The following CABS1 variants were observed in gnomAD, a reference collection of about 807,000 sequenced individuals.
CABS1 encodes calcium binding protein, spermatid associated 1, also known as calcium-binding and spermatid-specific protein 1.
For missense variants in CABS1, 500 were observed against 464.3 expected, an observed-to-expected ratio of 1.08 and a Z score of -0.71; for synonymous variants, 195 against 169.0, an observed-to-expected ratio of 1.15 and a Z score of -1.19.
At chr4:70,336,412 C>A in intron 1 of CABS1, 66 bp downstream of exon 1, 5 of 776,900 alleles carry the variant, frequency 6.4e-6, no homozygotes, top group African/African-American at 1.8e-5. Context: ...TTTACGGAAA[C>A]TTAGAAAAAA....
Position 70,335,487 on chromosome 4 carries a change from G to A in CABS1, c.448G>A (p.Asp150Asn). The change falls in exon 1 of 2, where the codon GAC (aspartate) becomes AAC (asparagine). Residue 150 changes from aspartate (D) to asparagine (N), a missense_variant. Physicochemically the swap from Asp to Asn is conservative, Grantham distance 23 (BLOSUM62 1). Coordinates refer to ENST00000273936, the MANE Select transcript of CABS1 (RefSeq NM_033122.4). ...AKEDILLATI[D>N]TGDAEISITS... ...AGAAGATATCCTCTTAGCTACCATT[G>A]ACACAGGAGATGCAGAGATCTCAAT... 1 of 1,613,648 alleles carries A rather than the reference G, an allele frequency of 6.2e-7. No homozygotes were observed. The highest frequency in any genetic ancestry group is 2.2e-5 in the East Asian group (1 of 44,840).
Position 70,336,340 on chromosome 4 carries a change from A to T in CABS1, c.*113A>T. The T allele has an allele frequency of 7.2e-7, 1 of 1,382,340 alleles. No individual in the cohort carries two copies. Among genetic ancestry groups the T allele is most frequent in the Non-Finnish European group, 9.6e-7 (1 of 1,042,928 alleles). The allele number at this position is 1,382,340 out of a possible 1,614,324, so 85.6% of individuals were successfully genotyped here. A position where few individuals can be genotyped will look rare whatever the true frequency, so the allele number is the denominator to read the frequency against. On this transcript the variant is annotated 3_prime_UTR_variant, in exon 1 of 2. Transcript: ENST00000273936. ...CCTTTAGAAATGAAAGAATGTGGGC[A>T]TTTAAGGCAAGTATTCGACTCAATA...
In CABS1 at chr4:70,335,157, A is replaced by C. The variant is rs768704528; in HGVS notation, c.118A>C (p.Thr40Pro). 6 of 1,613,848 alleles carry C rather than the reference A, an allele frequency of 3.7e-6. 1 individual carries two copies. Among genetic ancestry groups the C allele is most frequent in the Non-Finnish European group, 5.1e-6 (6 of 1,179,840 alleles). ...CAATGCTATTCCCAAATCAGAAACA[A>C]CTATTACTTCAGAAGGAGACCACGT... ...ADNAIPKSET[T>P]ITSEGDHVTS... The change falls in exon 1 of 2, where the codon ACT becomes CCT. Residue 40 changes from threonine to proline, a missense_variant. Thr to Pro is a conservative substitution (Grantham distance 38). Coordinates refer to ENST00000273936, the MANE Select transcript of CABS1 (RefSeq NM_033122.4).
Position 70,335,284 on chromosome 4 carries a change from G to T in CABS1, c.245G>T (p.Gly82Val), listed in dbSNP as rs1200521439. Residue 82 changes from glycine to valine, a missense_variant, in exon 1 of 2, where the codon GGG becomes GTG. By Grantham distance (109) the Gly-to-Val change is moderately radical (BLOSUM62 -3). Coordinates refer to ENST00000273936, the MANE Select transcript of CABS1 (RefSeq NM_033122.4). ...KEKLKSEDDMGTDFIKSTTHL... is the reference protein window; with the variant it reads ...KEKLKSEDDMVTDFIKSTTHL... Reference sequence around the variant, plus strand: ...AAACTCAAATCAGAAGATGATATGGGGACCGACTTTATTAAGTCAACAACT... The same window carrying T: ...AAACTCAAATCAGAAGATGATATGGTGACCGACTTTATTAAGTCAACAACT... The T allele has an allele frequency of 3.1e-6, 5 of 1,613,542 alleles. No individual in the cohort carries two copies. Among genetic ancestry groups the T allele is most frequent in the African/African-American group, 1.3e-5 (1 of 74,836 alleles).
Position 70,335,324 on chromosome 4 carries a change from A to G in CABS1, c.285A>G (p.Glu95=). 1 of 1,613,818 alleles carries G rather than the reference A, an allele frequency of 6.2e-7. No individual in the cohort carries two copies. The highest frequency in any genetic ancestry group is 1.3e-5 in the African/African-American group (1 of 75,006). The change falls in exon 1 of 2, where the codon GAA becomes GAG. Residue 95 remains glutamate (E), a synonymous_variant. Transcript: ENST00000273936. ...AGTCAACAACTCACCTACAGAAAGA[A>G]ATTACCTCTCTGACTGGCACTACAA... ...FIKSTTHLQK[E]ITSLTGTTNS...
chr4:70,336,183 A>G lies in CABS1; in HGVS notation c.1144A>G (p.Ile382Val), dbSNP rs746891726. The G allele has an allele frequency of 9.9e-6, 16 of 1,612,348 alleles. No homozygotes were observed. The highest frequency in any genetic ancestry group is 1.3e-5 in the Non-Finnish European group (15 of 1,179,174). ...KEDTSTTETDIFELLKEEPDE... is the reference protein window; with the variant it reads ...KEDTSTTETDVFELLKEEPDE... ...AGACACCTCCACAACTGAAACGGAT[A>G]TCTTTGAACTACTGAAAGAAGAACC... Residue 382 changes from isoleucine (I) to valine (V), a missense_variant, in exon 1 of 2, where the codon ATC becomes GTC. By Grantham distance (29) the Ile-to-Val change is conservative. Coordinates refer to ENST00000273936, the MANE Select transcript of CABS1 (RefSeq NM_033122.4).
In CABS1 at chr4:70,335,557, T is replaced by G. The variant is rs1731704402; in HGVS notation, c.518T>G (p.Val173Gly). Residue 173 changes from valine to glycine, a missense_variant, in exon 1 of 2, where the codon GTT becomes GGT. Coordinates refer to ENST00000273936, the MANE Select transcript of CABS1 (RefSeq NM_033122.4). ...SGTLKDSSAG[V>G]ADAPAFPRKK... ...ACACTAAAGGACAGCAGTGCTGGTG[T>G]TGCTGACGCTCCTGCCTTTCCACGT... is the stretch of plus-strand genomic sequence containing the variant. 1 of 1,613,554 alleles carries G rather than the reference T, an allele frequency of 6.2e-7. No individual in the cohort carries two copies. The highest frequency in any genetic ancestry group is 1.3e-5 in the African/African-American group (1 of 74,892).
chr4:70,335,744 A>G lies in CABS1; in HGVS notation c.705A>G (p.Glu235=). 1 of 1,613,634 alleles carries G rather than the reference A, an allele frequency of 6.2e-7. No individual in the cohort carries two copies. The highest frequency in any genetic ancestry group is 8.5e-7 in the Non-Finnish European group (1 of 1,179,744). Reference sequence around the variant, plus strand: ...CTATTCCAGACATAACTGCCCTTGAAGAAGAGAAAATAACCGAAATTGACC... The same window carrying G: ...CTATTCCAGACATAACTGCCCTTGAGGAAGAGAAAATAACCGAAATTGACC... The part of the protein sequence containing the change: ...FTTIPDITAL[E]EEKITEIDLS... Residue 235 remains glutamate (E), a synonymous_variant, in exon 1 of 2, where the codon GAA becomes GAG. Transcript: ENST00000273936.
In CABS1 at chr4:70,335,241, C is replaced by G; in HGVS notation, c.202C>G (p.Leu68Val). The change falls in exon 1 of 2, where the codon CTG (leucine) becomes GTG (valine). Residue 68 changes from leucine (L) to valine (V), a missense_variant. Physicochemically the swap from Leu to Val is conservative, Grantham distance 32 (BLOSUM62 1). Transcript: ENST00000273936. The stretch of plus-strand genomic sequence containing the variant: ...TTTTTCAACAACTACAGACAACAAA[C>G]TGACAGCTAAAAAGGAAAAACTCAA... Reference protein sequence around the residue: ...SDFSTTTDNKLTAKKEKLKSE... With the variant: ...SDFSTTTDNKVTAKKEKLKSE... 1 of 1,613,546 alleles carries G rather than the reference C, an allele frequency of 6.2e-7. No homozygotes were observed. Among genetic ancestry groups the G allele is most frequent in the African/African-American group, 1.3e-5 (1 of 74,940 alleles).
rs1001089388 is a variant in CABS1 at position 70,335,870 on chromosome 4, C to A, written c.831C>A (p.Asp277Glu). ...AACTCACTACCTCTGCTGAAAAAGA[C>A]AAAGATAAACGGGAAGATACTCTGC... Reference protein sequence around the residue: ...VFELTTSAEKDKDKREDTLLT... With the variant: ...VFELTTSAEKEKDKREDTLLT... Residue 277 changes from aspartate (D) to glutamate (E), a missense_variant, in exon 1 of 2, where the codon GAC becomes GAA. Physicochemically the swap from Asp to Glu is conservative, Grantham distance 45. Coordinates refer to ENST00000273936, the MANE Select transcript of CABS1 (RefSeq NM_033122.4). 5.0e-6 allele frequency: 8 copies of A among 1,613,546 alleles called. No homozygotes were observed. The South Asian group carries it at 6.6e-5, about 13-fold the overall frequency.
In CABS1 at chr4:70,336,209, C is replaced by A. The variant is rs770080535; in HGVS notation, c.1170C>A (p.Pro390=). 3.1e-6 allele frequency: 5 copies of A among 1,610,042 alleles called. No individual in the cohort carries two copies. Among genetic ancestry groups the A allele is most frequent in the Non-Finnish European group, 4.2e-6 (5 of 1,178,290 alleles). ...TDIFELLKEE[P]DEFMI is the part of the protein sequence containing the mutation. The stretch of plus-strand genomic sequence containing the variant: ...TCTTTGAACTACTGAAAGAAGAACC[C>A]GATGAGTTCATGATTTAAAAGCAAC... Residue 390 remains proline, a synonymous_variant, in exon 1 of 2, where the codon CCC becomes CCA. Coordinates refer to ENST00000273936, the MANE Select transcript of CABS1 (RefSeq NM_033122.4).
At position 70,335,865 on chromosome 4, in the gene CABS1, A is replaced by T. The variant is rs745621727; in HGVS notation, c.826A>T (p.Lys276Ter). ...TVFELTTSAE[K>*]DKDKREDTLL... ...GTTTGAACTCACTACCTCTGCTGAA[A>T]AAGACAAAGATAAACGGGAAGATAC... Residue 276 changes from lysine (K) to a stop codon, truncating the protein, a stop_gained, in exon 1 of 2, where the codon AAA (lysine) becomes TAA (stop). Coordinates refer to ENST00000273936, the MANE Select transcript of CABS1 (RefSeq NM_033122.4). LOFTEE classifies it low-confidence loss of function (END_TRUNC). 1 of 1,613,638 alleles carries T rather than the reference A, an allele frequency of 6.2e-7. No homozygotes were observed. The highest frequency in any genetic ancestry group is 1.1e-5 in the South Asian group (1 of 91,068).
rs186211014 is a variant in CABS1, at chr4:70,335,965, C to T, written c.926C>T (p.Thr309Ile). The T allele has an allele frequency of 4.2e-5, 67 of 1,613,538 alleles. No individual in the cohort carries two copies. The East Asian group carries it at 1.4e-3, about 34-fold the overall frequency. Reference protein sequence around the residue: ...MERDTANEAETHSVLLTAVES... With the variant: ...MERDTANEAEIHSVLLTAVES... ...AGAGATACTGCAAATGAAGCAGAGA[C>T]CCATTCTGTTTTGCTTACTGCTGTT... Residue 309 changes from threonine (T) to isoleucine (I), a missense_variant, in exon 1 of 2, where the codon ACC (threonine) becomes ATC (isoleucine). Thr to Ile is a moderately conservative substitution (Grantham distance 89). Coordinates refer to ENST00000273936, the MANE Select transcript of CABS1 (RefSeq NM_033122.4).
Position 70,335,467 on chromosome 4 carries a change from A to C in CABS1, c.428A>C (p.Asp143Ala). ...IDFSTDIAKE[D>A]ILLATIDTGD... The stretch of plus-strand genomic sequence containing the variant: ...TTTTCCACTGACATAGCAAAAGAAG[A>C]TATCCTCTTAGCTACCATTGACACA... Residue 143 changes from aspartate to alanine, a missense_variant, in exon 1 of 2, where the codon GAT (aspartate) becomes GCT (alanine). Physicochemically the swap from Asp to Ala is moderately radical, Grantham distance 126. Coordinates refer to ENST00000273936, the MANE Select transcript of CABS1 (RefSeq NM_033122.4). 6.2e-7 allele frequency: 1 copy of C among 1,613,658 alleles called. No individual in the cohort carries two copies. The highest frequency in any genetic ancestry group is 8.5e-7 in the Non-Finnish European group (1 of 1,179,758).
In CABS1 at chr4:70,335,563, A is replaced by G; in HGVS notation, c.524A>G (p.Asp175Gly). 1 of 1,613,668 alleles carries G rather than the reference A, an allele frequency of 6.2e-7. No individual in the cohort carries two copies. The highest frequency in any genetic ancestry group is 8.5e-7 in the Non-Finnish European group (1 of 1,179,790). The change falls in exon 1 of 2, where the codon GAC (aspartate) becomes GGC (glycine). Residue 175 changes from aspartate to glycine, a missense_variant. By Grantham distance (94) the Asp-to-Gly change is moderately conservative (BLOSUM62 -1). Transcript: ENST00000273936. ...TLKDSSAGVA[D>G]APAFPRKKDE... Reference sequence around the variant, plus strand: ...AAGGACAGCAGTGCTGGTGTTGCTGACGCTCCTGCCTTTCCACGTAAAAAG... The same window carrying G: ...AAGGACAGCAGTGCTGGTGTTGCTGGCGCTCCTGCCTTTCCACGTAAAAAG...
Position 70,336,155 on chromosome 4 carries a change from G to A in CABS1, c.1116G>A (p.Lys372=). The change falls in exon 1 of 2, where the codon AAG becomes AAA. Residue 372 remains lysine, a synonymous_variant. Coordinates refer to ENST00000273936, the MANE Select transcript of CABS1 (RefSeq NM_033122.4). ...CTGTATTAGATACCCCAGACTATAA[G>A]GAAGACACCTCCACAACTGAAACGG... The part of the protein sequence containing the change: ...TTSVLDTPDY[K]EDTSTTETDI... 1.2e-6 allele frequency: 2 copies of A among 1,613,108 alleles called. No individual in the cohort carries two copies. The highest frequency in any genetic ancestry group is 8.5e-7 in the Non-Finnish European group (1 of 1,179,436).
At position 70,335,239 on chromosome 4, in the gene CABS1, A is replaced by G; in HGVS notation, c.200A>G (p.Lys67Arg). The G allele has an allele frequency of 1.2e-6, 2 of 1,613,642 alleles. No individual in the cohort carries two copies. Among genetic ancestry groups the G allele is most frequent in the Non-Finnish European group, 1.7e-6 (2 of 1,179,828 alleles). ...ESDFSTTTDN[K>R]LTAKKEKLKS... ...GATTTTTCAACAACTACAGACAACA[A>G]ACTGACAGCTAAAAAGGAAAAACTC... is the stretch of plus-strand genomic sequence containing the variant. Residue 67 changes from lysine (K) to arginine (R), a missense_variant, in exon 1 of 2, where the codon AAA (lysine) becomes AGA (arginine). Transcript: ENST00000273936.
chr4:70,335,027 G>A lies in CABS1; in HGVS notation c.-13G>A. 6.2e-7 allele frequency: 1 copy of A among 1,605,680 alleles called. No homozygotes were observed. The highest frequency in any genetic ancestry group is 8.5e-7 in the Non-Finnish European group (1 of 1,175,690). ...AGCAAGACCTGTGAGAGTGCACAGT[G>A]CCACTTCGCCCCATGGCTGAAGATG... is the stretch of plus-strand genomic sequence containing the variant. On this transcript the variant is annotated 5_prime_UTR_variant, in exon 1 of 2. Transcript: ENST00000273936.
Position 70,335,570 on chromosome 4 carries a change from T to C in CABS1, c.531T>C (p.Pro177=). The part of the protein sequence containing the change: ...KDSSAGVADA[P]AFPRKKDEAD... ...GCAGTGCTGGTGTTGCTGACGCTCC[T>C]GCCTTTCCACGTAAAAAGGATGAAG... Residue 177 remains proline, a synonymous_variant, in exon 1 of 2, where the codon CCT becomes CCC. Coordinates refer to ENST00000273936, the MANE Select transcript of CABS1 (RefSeq NM_033122.4). 1 of 1,613,668 alleles carries C rather than the reference T, an allele frequency of 6.2e-7. No individual in the cohort carries two copies.
Sources: gnomAD v4.1 joint callset for allele counts on GRCh38, gnomAD v4.1.1 for gene constraint, MANE v1.5 for transcripts, NCBI Gene and HGNC (gene_info 2026-07-23, HGNC 2026-07-21) for gene names.